ITSN1: variants seen among roughly 807,000 people sequenced by gnomAD.
The protein encoded by ITSN1 is intersectin-1.
In ITSN1, 58 loss-of-function variants were observed where a neutral mutation model predicts 239.8. That is an observed-to-expected ratio of 0.24 (90% CI 0.20 to 0.30). The LOEUF is 0.30. ITSN1 is among the 10% of genes least tolerant of loss of function. ITSN1 has a pLI of 1.00. For synonymous variants in ITSN1, 780 were observed against 770.8 expected, an observed-to-expected ratio of 1.01 and a Z score of -0.20; for missense variants, 1,558 against 2,103.3, an observed-to-expected ratio of 0.74 and a Z score of 5.07.
intron 24 of ITSN1, among the ~76,000 whole-genome samples, chr21:33,821,457 C>T (rs1285861896): frequency 6.6e-6 from 1 of 152,046 alleles, no homozygotes; most frequent in East Asian, 1.9e-4. Flanking sequence ...AACTGTAAAC[C>T]AGATAAAATA....
At chr21:33,881,578 T>C (rs2834285) in intron 34 of ITSN1, among the ~76,000 whole-genome samples, 89,299 of 151,950 alleles carry the variant, frequency 0.59, 27,250 homozygotes, top group African/African-American at 0.77. Context: ...TGTGTGGGGT[T>C]TTCTCCCTGG....
intron 22 of ITSN1, chr21:33,814,306 A>G: frequency 2.0e-6 from 1 of 501,566 alleles, no homozygotes; most frequent in Non-Finnish European, 3.6e-6. Context: ...AGGAAGCTTC[A>G]TTGCAGAAGT....
chr21:33,763,593 T>C (rs1224296978), intron 9 of ITSN1, among the ~76,000 whole-genome samples: 1 of 152,144 alleles, frequency 6.6e-6, no homozygotes, highest in Non-Finnish European at 1.5e-5. Context: ...AAATCTTCCC[T>C]GGTTGAGAAT....
intron 1 of ITSN1, among the ~76,000 whole-genome samples, chr21:33,686,437 C>A (rs1304688377): frequency 1.3e-5 from 2 of 152,038 alleles, no homozygotes; most frequent in Non-Finnish European, 2.9e-5. Flanking sequence ...AGCTGGAATG[C>A]TAGAAAAGCA....
At position 33,882,120 on chromosome 21, in the gene ITSN1, A is replaced by G; in HGVS notation, c.4342-123A>G. 1.3e-6 allele frequency: 1 copy of G among 765,366 alleles called. No homozygotes were observed. Among genetic ancestry groups the G allele is most frequent in the South Asian group, 1.9e-5 (1 of 53,774 alleles). 47.4% of individuals were successfully genotyped at this position (765,366 alleles called of 1,614,324 possible). A position where few individuals can be genotyped will look rare whatever the true frequency, so the allele number is the denominator to read the frequency against. On this transcript the variant is annotated intron_variant, in intron 34 of 39. Transcript: ENST00000381318. This position sits in a 1 kb window ranked among gnomAD's most constrained non-coding sequence, Gnocchi z 4.5. ...TCTTGGCTCCAAAGTCTTCAAAGCT[A>G]TCCTTGACTTTTGCCTGAGATCCGA... is the stretch of plus-strand genomic sequence containing the variant.
intron 29 of ITSN1, among the ~76,000 whole-genome samples, chr21:33,839,615 T>C (rs969812058): frequency 1.3e-5 from 2 of 152,212 alleles, no homozygotes; most frequent in Non-Finnish European, 2.9e-5. Flanking sequence ...CCAGTGTTGC[T>C]TCTCCAGTCT....
chr21:33,772,120 C>A lies in ITSN1; in HGVS notation c.1102C>A (p.Arg368=), dbSNP rs775749120. The A allele has an allele frequency of 6.2e-7, 1 of 1,614,116 alleles. No homozygotes were observed. Among genetic ancestry groups the A allele is most frequent in the East Asian group, 2.2e-5 (1 of 44,884 alleles). ...ACGTGGCAACCTGGAACTGGAGAAA[C>A]GAAGGCAAGCTCTCCTGGAACAGCA... ...FERGNLELEK[R]RQALLEQQRK... is the part of the protein sequence containing the mutation. The change falls in exon 12 of 40, where the codon CGA becomes AGA. Residue 368 remains arginine (R), a synonymous_variant. Coordinates refer to ENST00000381318, the MANE Select transcript of ITSN1 (RefSeq NM_003024.3).
At chr21:33,774,464 A>C (rs2069434276) in intron 12 of ITSN1, 1 of 285,266 alleles carries the variant, frequency 3.5e-6, no homozygotes, top group South Asian at 1.1e-4. Context: ...AGGCATAAAG[A>C]ATGGAATTCT....
intron 25 of ITSN1, among the ~76,000 whole-genome samples, chr21:33,823,971 T>C (rs2073835115): frequency 6.6e-6 from 1 of 152,228 alleles, no homozygotes; most frequent in Non-Finnish European, 1.5e-5. Context: ...TAAACTTTCT[T>C]GATTAGATCA....
chr21:33,748,731 G>A (rs764092475), intron 5 of ITSN1, among the ~76,000 whole-genome samples: 4 of 151,646 alleles, frequency 2.6e-5, no homozygotes, highest in African/African-American at 9.7e-5. Context: ...TGGGTGTAGG[G>A]ATGCACACCT....
intron 14 of ITSN1, among the ~76,000 whole-genome samples, chr21:33,781,122 T>G (rs2070144901): frequency 6.6e-6 from 1 of 152,224 alleles, no homozygotes; most frequent in Non-Finnish European, 1.5e-5. Flanking sequence ...TCACTGCATT[T>G]GCATTTGATC....
intron 1 of ITSN1, among the ~76,000 whole-genome samples, chr21:33,656,487 A>C (rs1261050485): frequency 1.3e-5 from 2 of 152,204 alleles, no homozygotes; most frequent in Non-Finnish European, 2.9e-5. Context: ...TGTTGTGTGC[A>C]TCTGTATAGG....
At position 33,836,349 on chromosome 21, in the gene ITSN1, A is replaced by C; in HGVS notation, c.3470-92A>C. On this transcript the variant is annotated intron_variant, in intron 28 of 39. Transcript: ENST00000381318. ...TGTCACCCTCTTCTGAAAGGACAGAAATAGTAGCTGGGAATGTTGAATGGC... is the reference window on the plus strand; with the variant it reads ...TGTCACCCTCTTCTGAAAGGACAGACATAGTAGCTGGGAATGTTGAATGGC... 3 of 910,290 alleles carry C rather than the reference A, an allele frequency of 3.3e-6. No individual in the cohort carries two copies. In the South Asian group the frequency reaches 6.6e-5, roughly 20 times the overall value. 56.4% of individuals were successfully genotyped at this position (910,290 alleles called of 1,614,324 possible).
At chr21:33,701,259 C>T (rs1275962626) in intron 1 of ITSN1, among the ~76,000 whole-genome samples, 1 of 152,080 alleles carries the variant, frequency 6.6e-6, no homozygotes, top group Non-Finnish European at 1.5e-5. Context: ...CCACCACGCC[C>T]AGCTAGTTTT....
chr21:33,694,387 G>C (rs755443346), intron 1 of ITSN1, among the ~76,000 whole-genome samples: 2 of 152,094 alleles, frequency 1.3e-5, no homozygotes, highest in Non-Finnish European at 2.9e-5. Flanking sequence ...GATTATTTAA[G>C]TTTTTAATTG....
chr21:33,871,431 A>G lies in ITSN1; in HGVS notation c.4174-3923A>G, dbSNP rs551870054. On this transcript the variant is annotated intron_variant, in intron 33 of 39. Coordinates refer to ENST00000381318, the MANE Select transcript of ITSN1 (RefSeq NM_003024.3). The stretch of plus-strand genomic sequence containing the variant: ...GGTGACAGAGTGAAACTCTGTCTCA[A>G]AAAAACAAAAAAAAAAACAAAAAAC... Among the ~76,000 whole-genome samples the G allele has an allele frequency of 3.4e-5, 3 of 87,744 alleles. No individual in the cohort carries two copies. The East Asian group carries it at 9.0e-4, about 26-fold the overall frequency. The allele number at this position is 87,744 out of a possible 152,430, so 57.6% of individuals were successfully genotyped here.
rs190028287 is a variant in ITSN1 at position 33,722,705 on chromosome 21, T to C, written c.185+54T>C. The stretch of plus-strand genomic sequence containing the variant: ...CATAAGCATAAGGCAAAATAAAATA[T>C]CGTTTTGTTCTATTTGGTAATATGA... On this transcript the variant is annotated intron_variant, in intron 4 of 39. Transcript: ENST00000381318. 38 of 1,484,162 alleles carry C rather than the reference T, an allele frequency of 2.6e-5. No homozygotes were observed. In the South Asian group the frequency reaches 4.0e-4, roughly 15 times the overall value. 91.9% of individuals were successfully genotyped at this position (1,484,162 alleles called of 1,614,324 possible).
Position 33,865,665 on chromosome 21 carries a change from C to A in ITSN1, c.4074+331C>A, listed in dbSNP as rs1432346857. On this transcript the variant is annotated intron_variant, in intron 32 of 39. Coordinates refer to ENST00000381318, the MANE Select transcript of ITSN1 (RefSeq NM_003024.3). This position sits in a 1 kb window ranked among gnomAD's most constrained non-coding sequence, Gnocchi z 4.4. Reference sequence around the variant, plus strand: ...GGCCCAGGCAGGTCTTAGATTTCCTCTTGTGTTTAATCGCCACATCCTCAG... The same window carrying A: ...GGCCCAGGCAGGTCTTAGATTTCCTATTGTGTTTAATCGCCACATCCTCAG... Among the ~76,000 whole-genome samples the A allele has an allele frequency of 6.6e-6, 1 of 152,230 alleles. No individual in the cohort carries two copies. Among genetic ancestry groups the A allele is most frequent in the Non-Finnish European group, 1.5e-5 (1 of 68,032 alleles).
chr21:33,885,114 G>A lies in ITSN1; in HGVS notation c.4750G>A (p.Ala1584Thr), dbSNP rs1985562582. 2.5e-6 allele frequency: 4 copies of A among 1,613,946 alleles called. No individual in the cohort carries two copies. The highest frequency in any genetic ancestry group is 3.4e-6 in the Non-Finnish European group (4 of 1,179,854). ...GACTGAGAAAAAGAAGCGCGAGAAAGCGTACCTGGGTAATGCATGGCCCCG... is the reference window on the plus strand; with the variant it reads ...GACTGAGAAAAAGAAGCGCGAGAAAACGTACCTGGGTAATGCATGGCCCCG... The part of the protein sequence containing the change: ...IETEKKKREK[A>T]YLVRSQRATG... The change falls in exon 37 of 40, where the codon GCG becomes ACG. Residue 1584 changes from alanine (A) to threonine (T), a missense_variant. Coordinates refer to ENST00000381318, the MANE Select transcript of ITSN1 (RefSeq NM_003024.3).
Sources: gnomAD v4.1 joint callset for allele counts (sites outside exome capture counted in the v4.1 genomes callset) on GRCh38, gnomAD v4.1.1 for gene constraint, Gnocchi (gnomAD v3.1) non-coding constraint, MANE v1.5 for transcripts, NCBI Gene and HGNC (gene_info 2026-07-23, HGNC 2026-07-21) for gene names.